AFF1: variants seen among roughly 807,000 people sequenced by gnomAD.
AFF1 encodes the protein ALF transcription elongation factor 1.
A neutral mutation model predicts 121.7 loss-of-function variants in AFF1; 48 were observed. That is an observed-to-expected ratio of 0.39 (90% CI 0.31 to 0.50). The LOEUF is 0.50. AFF1 is among the 20% of genes least tolerant of loss of function. AFF1 has a pLI of 0.76. For synonymous variants in AFF1, 613 were observed against 563.0 expected (o/e 1.09, Z -1.26); for missense variants, 1,523 against 1,511.7 (o/e 1.01, Z -0.12).
At chr4:87,031,092 A>G (rs948721135) in intron 2 of AFF1, among the ~76,000 whole-genome samples, 1 of 152,134 alleles carries the variant, frequency 6.6e-6, no homozygotes, top group African/African-American at 2.4e-5. Flanking sequence ...GCAGGCTCTG[A>G]AAGATAATTG....
At chr4:87,094,066 C>T (rs538905028) in intron 7 of AFF1, among the ~76,000 whole-genome samples, 7 of 152,156 alleles carry the variant, frequency 4.6e-5, no homozygotes, top group East Asian at 1.9e-4. Context: ...AATCTGCTTC[C>T]GCCTGTTTCA....
intron 4 of AFF1, among the ~76,000 whole-genome samples, chr4:87,073,280 CAAAAAAAAAAAAAAAAAAAAA>C (rs55821662): frequency 7.2e-5 from 6 of 83,672 alleles, no homozygotes; most frequent in African/African-American, 2.6e-4. Context: ...GCATTAAAGC[CAAAAAAAAAAAAAAAAAAAAA>C]AAAAAAAAAA....
chr4:87,110,811 C>G, intron 11 of AFF1, among the ~76,000 whole-genome samples: 1 of 151,832 alleles, frequency 6.6e-6, no homozygotes, highest in East Asian at 1.9e-4. Context: ...TAATTATATC[C>G]TTTTTTTCCT....
chr4:87,084,593 TAAATAAATAAAA>T lies in AFF1; in HGVS notation c.1104+432_1104+443del, dbSNP rs1330924491. Among the ~76,000 whole-genome samples the T allele has an allele frequency of 2.5e-3, 263 of 103,866 alleles. 1 individual carries two copies. Among genetic ancestry groups the T allele is most frequent in the Non-Finnish European group, 2.9e-3 (127 of 43,676 alleles). 68.1% of individuals were successfully genotyped at this position (103,866 alleles called of 152,430 possible). ...ATAAATAAATAAATAAATAAATAAA[TAAATAAATAAAA>T]AATAAAGAACAGTTGTTGTTCCCAA... On this transcript the variant is annotated intron_variant, in intron 5 of 20. Coordinates refer to ENST00000395146, the MANE Select transcript of AFF1 (RefSeq NM_001166693.3).
At chr4:86,993,350 T>G (rs1203945512) in intron 2 of AFF1, among the ~76,000 whole-genome samples, 5 of 152,234 alleles carry the variant, frequency 3.3e-5, no homozygotes, top group Non-Finnish European at 7.3e-5. Flanking sequence ...TGCCTATATA[T>G]GTAGTTTTTT....
chr4:86,951,623 C>CTTTTTT (rs1285365564), intron 2 of AFF1, among the ~76,000 whole-genome samples: 3 of 69,418 alleles, frequency 4.3e-5, no homozygotes, highest in East Asian at 8.0e-4. Context: ...TTCTTTTTTT[C>CTTTTTT]TTTTTTTTTT....
At position 87,047,147 on chromosome 4, in the gene AFF1, G is replaced by A. The variant is rs752736685; in HGVS notation, c.612G>A (p.Glu204=). ...ASVTDSAPER[E]LSPLISLPSP... Reference sequence around the variant, plus strand: ...TGACAGATTCGGCTCCAGAGAGGGAGCTTTCTCCCTTAATCTCTTTGCCTT... The same window carrying A: ...TGACAGATTCGGCTCCAGAGAGGGAACTTTCTCCCTTAATCTCTTTGCCTT... Residue 204 remains glutamate (E), a synonymous_variant, in exon 4 of 21, where the codon GAG becomes GAA. Transcript: ENST00000395146. The A allele has an allele frequency of 1.9e-6, 3 of 1,614,192 alleles. No individual in the cohort carries two copies. The highest frequency in any genetic ancestry group is 2.5e-6 in the Non-Finnish European group (3 of 1,180,036).
chr4:86,969,577 TAA>T (rs5860046), intron 2 of AFF1, among the ~76,000 whole-genome samples: 3 of 145,698 alleles, frequency 2.1e-5, no homozygotes, highest in African/African-American at 5.0e-5. Context: ...AAATAGTTGT[TAA>T]AAAAAAAAAG....
At chr4:87,115,516 G>A (rs972578399) in intron 12 of AFF1, among the ~76,000 whole-genome samples, 4 of 151,258 alleles carry the variant, frequency 2.6e-5, no homozygotes, top group Non-Finnish European at 4.4e-5. Context: ...TCCTTCCATC[G>A]GTCTTGCTAG....
intron 4 of AFF1, among the ~76,000 whole-genome samples, chr4:87,063,340 A>G (rs1720992158): frequency 7.0e-6 from 1 of 142,618 alleles, no homozygotes; most frequent in African/African-American, 2.6e-5. Context: ...CCCAGGTTCA[A>G]GCGATTCTCC....
intron 11 of AFF1, among the ~76,000 whole-genome samples, chr4:87,111,380 G>A (rs1469265978): frequency 1.3e-5 from 2 of 151,560 alleles, no homozygotes; most frequent in Non-Finnish European, 2.9e-5. Flanking sequence ...TTGAGATGGA[G>A]TCTCACTCTG....
At chr4:87,065,971 G>A (rs1165854315) in intron 4 of AFF1, among the ~76,000 whole-genome samples, 1 of 152,154 alleles carries the variant, frequency 6.6e-6, no homozygotes, top group Non-Finnish European at 1.5e-5. Flanking sequence ...TATGCCAGCA[G>A]GTTATTAGAT....
At chr4:86,951,032 T>C (rs896038352) in intron 2 of AFF1, among the ~76,000 whole-genome samples, 3 of 152,296 alleles carry the variant, frequency 2.0e-5, no homozygotes, top group Non-Finnish European at 2.9e-5. Context: ...GGTCAACATA[T>C]GGGTTTTGGT....
At chr4:86,988,355 A>G (rs1389154984) in intron 2 of AFF1, among the ~76,000 whole-genome samples, 1 of 151,702 alleles carries the variant, frequency 6.6e-6, no homozygotes, top group Non-Finnish European at 1.5e-5. Flanking sequence ...TGACCATCAT[A>G]TGGTTCTCTA....
intron 1 of AFF1, among the ~76,000 whole-genome samples, chr4:86,940,099 A>G (rs2705617): frequency 0.93 from 141,324 of 152,160 alleles, 66,316 homozygotes; most frequent in Non-Finnish European, 1. Context: ...CGAAAGGATC[A>G]TTTGAGCCCA....
intron 2 of AFF1, among the ~76,000 whole-genome samples, chr4:87,028,304 C>A (rs1006595405): frequency 6.6e-6 from 1 of 151,108 alleles, no homozygotes; most frequent in African/African-American, 2.4e-5. Context: ...TTTTTTTTTA[C>A]GTTTTTTTTT....
At chr4:86,996,593 G>T (rs1050053257) in intron 2 of AFF1, among the ~76,000 whole-genome samples, 2 of 151,116 alleles carry the variant, frequency 1.3e-5, no homozygotes, top group Non-Finnish European at 2.9e-5. Context: ...ACTGCGGAAG[G>T]CCGCAGGGTC....
intron 4 of AFF1, among the ~76,000 whole-genome samples, chr4:87,068,500 GTTAAACTA>G (rs1721619869): frequency 1.3e-5 from 2 of 152,296 alleles, no homozygotes; most frequent in South Asian, 4.1e-4. Context: ...GAAAACAAAG[GTTAAACTA>G]TTTTTGGGTC....
chr4:87,114,000 T>C (rs1228268215), intron 11 of AFF1, among the ~76,000 whole-genome samples: 1 of 152,216 alleles, frequency 6.6e-6, no homozygotes, highest in Non-Finnish European at 1.5e-5. Context: ...GATGAAATGA[T>C]TTTTTACTCA....
Sources: gnomAD v4.1 joint callset for allele counts (sites outside exome capture counted in the v4.1 genomes callset) on GRCh38, gnomAD v4.1.1 for gene constraint, MANE v1.5 for transcripts, NCBI Gene and HGNC (gene_info 2026-07-23, HGNC 2026-07-21) for gene names.